The following MSR1 variants were observed in gnomAD, a reference collection of about 807,000 sequenced individuals.
MSR1 encodes macrophage scavenger receptor types I and II.
Under a neutral mutation model 47.2 loss-of-function variants are expected in MSR1, and 53 were observed. The observed-to-expected ratio is 1.12, with a 90% CI of 0.90 to 1.41. The LOEUF (loss-of-function observed/expected upper bound fraction) is 1.41, where lower values mean the gene tolerates loss of function less well. Among genes scored for constraint, MSR1 ranks in the 40% most tolerant of loss-of-function variants. The probability of loss-of-function intolerance (pLI) is 0.00; values close to 1 mark genes in which losing one functional copy is unlikely to be tolerated. For missense variants in MSR1, 786 were observed against 546.9 expected, an observed-to-expected ratio of 1.44 and a Z score of -4.36; for synonymous variants, 239 against 185.6, an observed-to-expected ratio of 1.29 and a Z score of -2.34.
At chr8:16,131,789 TGTA>T (rs1273280932) in intron 8 of MSR1, among the ~76,000 whole-genome samples, 2 of 152,040 alleles carry the variant, frequency 1.3e-5, no homozygotes, top group Non-Finnish European at 2.9e-5. Flanking sequence ...ATCAAATAGT[TGTA>T]GATGGTTGGC....
intron 9 of MSR1, among the ~76,000 whole-genome samples, chr8:16,112,942 A>ATTTTTTTTTTTTTTTTTTTT (rs1563136141): frequency 8.5e-6 from 1 of 117,756 alleles, no homozygotes; most frequent in Admixed American, 9.8e-5. Context: ...ATTTTTTTTA[A>ATTTTTTTTTTTTTTTTTTTT]GTTTTTTTTT....
intron 9 of MSR1, among the ~76,000 whole-genome samples, chr8:16,111,522 G>T (rs1397569926): frequency 1.3e-5 from 2 of 152,094 alleles, no homozygotes. Context: ...CTGAGAGTGG[G>T]AATTCTCCCA....
At position 16,109,428 on chromosome 8, in the gene MSR1, C is replaced by T. The variant is rs1262763168; in HGVS notation, c.*657G>A. ...TTATCTGGACAAATATACTGATGGT[C>T]AGTTTTCTCATATGTCCTGCTTTCA... On this transcript the variant is annotated 3_prime_UTR_variant, in exon 10 of 10. Coordinates refer to ENST00000262101, the MANE Select transcript of MSR1 (RefSeq NM_138715.3). 6.6e-6 allele frequency: 1 copy of T among 152,226 alleles called. No homozygotes were observed. The highest frequency in any genetic ancestry group is 2.1e-4 in the South Asian group (1 of 4,838). The allele number at this position is 152,226 out of a possible 1,614,324, so 9.4% of individuals were successfully genotyped here.
chr8:16,112,174 G>C (rs1304685645), intron 9 of MSR1, among the ~76,000 whole-genome samples: 2 of 152,088 alleles, frequency 1.3e-5, no homozygotes, highest in Non-Finnish European at 2.9e-5. Flanking sequence ...TGTGGAATTT[G>C]GTATCTCTGT....
chr8:16,114,208 G>C (rs1799825410), intron 9 of MSR1, among the ~76,000 whole-genome samples: 1 of 145,484 alleles, frequency 6.9e-6, no homozygotes, highest in African/African-American at 2.5e-5. Flanking sequence ...TGCATTTTTT[G>C]ATTGCCTTCT....
intron 8 of MSR1, chr8:16,139,570 A>G: frequency 2.0e-6 from 2 of 980,116 alleles, no homozygotes; most frequent in Non-Finnish European, 2.4e-6. Context: ...ATCAGTAGAG[A>G]GAAACCAAAA....
intron 2 of MSR1, among the ~76,000 whole-genome samples, chr8:16,176,642 G>C (rs572034003): frequency 2.6e-5 from 4 of 152,078 alleles, no homozygotes; most frequent in African/African-American, 9.7e-5. Flanking sequence ...TGAAAAGTAG[G>C]AGTCATCTTC....
intron 6 of MSR1, 28 bp downstream of exon 6, chr8:16,155,036 T>C (rs1180395657): frequency 6.4e-7 from 1 of 1,550,734 alleles, no homozygotes; most frequent in Non-Finnish European, 8.9e-7. Context: ...CTTCACAGTA[T>C]ATGATTAAAT....
intron 2 of MSR1, among the ~76,000 whole-genome samples, chr8:16,175,634 G>C: frequency 6.6e-6 from 1 of 152,024 alleles, no homozygotes; most frequent in South Asian, 2.1e-4. Context: ...TTTATTCAAT[G>C]TTCATATGGG....
chr8:16,183,323 T>A (rs1801890779), intron 1 of MSR1, among the ~76,000 whole-genome samples: 1 of 151,936 alleles, frequency 6.6e-6, no homozygotes, highest in African/African-American at 2.4e-5. Flanking sequence ...CTGATAAACA[T>A]CTTTACACTC....
chr8:16,116,872 C>G (rs916200030), intron 9 of MSR1, among the ~76,000 whole-genome samples: 1 of 151,976 alleles, frequency 6.6e-6, no homozygotes, highest in Non-Finnish European at 1.5e-5. Flanking sequence ...AGAAATAAAG[C>G]TAGAGATGAC....
chr8:16,151,353 C>T (rs540959233), intron 6 of MSR1, among the ~76,000 whole-genome samples: 211 of 152,148 alleles, frequency 1.4e-3, no homozygotes, highest in African/African-American at 5.0e-3. Context: ...ACAAATAACT[C>T]TGTAAATGAA....
intron 8 of MSR1, chr8:16,140,864 G>A (rs1800538023): frequency 1.9e-6 from 3 of 1,591,072 alleles, no homozygotes; most frequent in East Asian, 2.2e-5. Context: ...GTGGAAGTCA[G>A]GTACAACACG....
At chr8:16,131,291 A>C (rs1024700135) in intron 8 of MSR1, among the ~76,000 whole-genome samples, 1 of 152,086 alleles carries the variant, frequency 6.6e-6, no homozygotes, top group Non-Finnish European at 1.5e-5. Context: ...TCTTCCTTTG[A>C]AAATTGTCTG....
intron 4 of MSR1, among the ~76,000 whole-genome samples, chr8:16,166,669 T>C (rs1369605968): frequency 6.6e-6 from 1 of 152,136 alleles, no homozygotes; most frequent in Non-Finnish European, 1.5e-5. Flanking sequence ...ACAGTCCTTT[T>C]CACCTCTATG....
intron 8 of MSR1, chr8:16,120,815 T>A (rs1799986945): frequency 3.2e-6 from 2 of 631,656 alleles, no homozygotes; most frequent in Non-Finnish European, 5.3e-6. Context: ...TAACAGCTGT[T>A]AAGAGCAAAA....
intron 7 of MSR1, among the ~76,000 whole-genome samples, chr8:16,149,483 G>A (rs186220542): frequency 7.3e-4 from 111 of 151,830 alleles, no homozygotes; most frequent in African/African-American, 1.9e-3. Context: ...CCACCTCAGC[G>A]TCTCAAATAG....
chr8:16,174,843 A>G (rs1801593853), intron 3 of MSR1, among the ~76,000 whole-genome samples: 1 of 152,114 alleles, frequency 6.6e-6, no homozygotes, highest in Non-Finnish European at 1.5e-5. Context: ...CATTGGCAAA[A>G]TGAATACTTT....
rs1799697505 is a variant in MSR1 at position 16,109,092 on chromosome 8, A to T, written c.*993T>A. On this transcript the variant is annotated 3_prime_UTR_variant, in exon 10 of 10. Coordinates refer to ENST00000262101, the MANE Select transcript of MSR1 (RefSeq NM_138715.3). ...ACACTATGGCCCTGGGGATGGGTTG[A>T]CTACCAACAAAAGGTTGCTAAACTA... 1 of 151,784 alleles carries T rather than the reference A, an allele frequency of 6.6e-6. No homozygotes were observed. Among genetic ancestry groups the T allele is most frequent in the Admixed American group, 6.6e-5 (1 of 15,218 alleles). The allele number at this position is 151,784 out of a possible 1,614,324, so 9.4% of individuals were successfully genotyped here. A position where few individuals can be genotyped will look rare whatever the true frequency, so the allele number is the denominator to read the frequency against.
Sources: allele counts gnomAD v4.1 joint callset (sites outside exome capture counted in the v4.1 genomes callset), GRCh38; gene constraint gnomAD v4.1.1; transcripts MANE v1.5; gene names NCBI Gene and HGNC (gene_info 2026-07-23, HGNC 2026-07-21).